The following AKAP13 variants were observed in gnomAD, a reference collection of about 807,000 sequenced individuals.
AKAP13 encodes the protein A-kinase anchor protein 13.
AKAP13 carries 80 observed loss-of-function variants against 264.5 expected under a neutral mutation model. That is an observed-to-expected ratio of 0.30 (90% CI 0.25 to 0.36). The LOEUF is 0.36. AKAP13 is among the 10% of genes least tolerant of loss of function. The probability of loss-of-function intolerance (pLI) is 1.00; values close to 1 mark genes in which losing one functional copy is unlikely to be tolerated. For synonymous variants in AKAP13, 1,380 were observed against 1,250.2 expected, an observed-to-expected ratio of 1.10 and a Z score of -2.19; for missense variants, 3,712 against 3,435.2, an observed-to-expected ratio of 1.08 and a Z score of -2.01.
rs2088410882 is a variant in AKAP13 at position 85,735,642 on chromosome 15, T to C, written c.7512+12T>C. 6.2e-7 allele frequency: 1 copy of C among 1,607,870 alleles called. No individual in the cohort carries two copies. Among genetic ancestry groups the C allele is most frequent in the African/African-American group, 1.3e-5 (1 of 74,680 alleles). ...GTGGCCTAAAAAAGGTATTTCTCTTTAAAATACACCATGAACCTCCTTGGC... is the reference window on the plus strand; with the variant it reads ...GTGGCCTAAAAAAGGTATTTCTCTTCAAAATACACCATGAACCTCCTTGGC... On this transcript the variant is annotated intron_variant, in intron 32 of 36. Transcript: ENST00000394518.
Position 85,401,603 on chromosome 15 carries a change from C to G in AKAP13, c.-12+20805C>G, listed in dbSNP as rs138653014. 1.2e-3 allele frequency among the ~76,000 whole-genome samples: 183 copies of G among 152,268 alleles called. 1 individual carries two copies. The highest frequency in any genetic ancestry group is 4.3e-3 in the African/African-American group (177 of 41,550). ...TACCAAAGAAGCTAGTCATTTTTGT[C>G]TCAGTATTCTCTTAAACTGTCCCTT... On this transcript the variant is annotated intron_variant, in intron 1 of 36. Transcript: ENST00000394518.
chr15:85,742,998 C>T (rs2089158958), intron 35 of AKAP13, among the ~76,000 whole-genome samples: 1 of 152,122 alleles, frequency 6.6e-6, no homozygotes, highest in African/African-American at 2.4e-5. Flanking sequence ...GCTAAGAGAA[C>T]CCAGAGTAGA....
At chr15:85,639,920 G>A (rs1334790992) in intron 9 of AKAP13, among the ~76,000 whole-genome samples, 1 of 152,178 alleles carries the variant, frequency 6.6e-6, no homozygotes, top group Non-Finnish European at 1.5e-5. Flanking sequence ...TTACCCTGCT[G>A]TGTACCCAAG....
chr15:85,580,533 C>G lies in AKAP13; in HGVS notation c.2465C>G (p.Thr822Arg). 1 of 1,614,194 alleles carries G rather than the reference C, an allele frequency of 6.2e-7. No homozygotes were observed. Among genetic ancestry groups the G allele is most frequent in the Non-Finnish European group, 8.5e-7 (1 of 1,180,036 alleles). ...GTATPELHTATDYRDGPDGNS... is the reference protein window; with the variant it reads ...GTATPELHTARDYRDGPDGNS... Reference sequence around the variant, plus strand: ...GCAACTCCTGAACTACATACAGCTACAGATTATAGAGATGGCCCAGATGGA... The same window carrying G: ...GCAACTCCTGAACTACATACAGCTAGAGATTATAGAGATGGCCCAGATGGA... Residue 822 changes from threonine (T) to arginine (R), a missense_variant, in exon 7 of 37, where the codon ACA (threonine) becomes AGA (arginine). By Grantham distance (71) the Thr-to-Arg change is moderately conservative. Transcript: ENST00000394518.
At chr15:85,586,510 C>T (rs887726498) in intron 8 of AKAP13, among the ~76,000 whole-genome samples, 1 of 152,040 alleles carries the variant, frequency 6.6e-6, no homozygotes, top group Non-Finnish European at 1.5e-5. Flanking sequence ...GGCCTATAAA[C>T]CCTTCTTAAA....
At chr15:85,607,733 A>G (rs1437580651) in intron 8 of AKAP13, among the ~76,000 whole-genome samples, 1 of 152,242 alleles carries the variant, frequency 6.6e-6, no homozygotes, top group Non-Finnish European at 1.5e-5. Context: ...TTCCAAAGCA[A>G]ATGTTCACAG....
Position 85,585,747 on chromosome 15 carries a change from G to A in AKAP13, c.4085G>A (p.Ser1362Asn). 6.2e-7 allele frequency: 1 copy of A among 1,614,182 alleles called. No homozygotes were observed. ...KAEDEVDFRA[S>N]SISEEVAVGS... ...GAAGATGAAGTGGATTTTAGAGCAA[G>A]TTCAATTTCTGAAGAAGTGGCTGTA... Residue 1362 changes from serine (S) to asparagine (N), a missense_variant, in exon 8 of 37, where the codon AGT becomes AAT. Physicochemically the swap from Ser to Asn is conservative, Grantham distance 46. This residue lies in a region of AKAP13 where 2,759 missense variants were observed against 2,411.7 expected (regional missense o/e 1.14). Coordinates refer to ENST00000394518, the MANE Select transcript of AKAP13 (RefSeq NM_007200.5).
Position 85,530,193 on chromosome 15 carries a change from G to A in AKAP13, c.182-3391G>A, listed in dbSNP as rs10468112. Among the ~76,000 whole-genome samples the A allele has an allele frequency of 3.3e-5, 5 of 152,024 alleles. No individual in the cohort carries two copies. The East Asian group carries it at 7.8e-4, about 24-fold the overall frequency. ...GCGCCCCAACACACACCCATCCCGC[G>A]TTGTTCTGTTTCTCTCCCTGTCGTT... is the stretch of plus-strand genomic sequence containing the variant. On this transcript the variant is annotated intron_variant, in intron 3 of 36. Transcript: ENST00000394518.
intron 12 of AKAP13, among the ~76,000 whole-genome samples, chr15:85,661,215 A>G (rs193292887): frequency 6.6e-6 from 1 of 152,280 alleles, no homozygotes; most frequent in African/African-American, 2.4e-5. Flanking sequence ...AATATTTTGA[A>G]TTGATTATTG....
intron 14 of AKAP13, among the ~76,000 whole-genome samples, chr15:85,673,666 C>CTTTTTTTTTTTTTTTTTTTT (rs386383664): frequency 5.2e-5 from 4 of 77,540 alleles, no homozygotes; most frequent in African/African-American, 1.7e-4. Flanking sequence ...TTCTTTCTTT[C>CTTTTTTTTTTTTTTTTTTTT]TTTTTTTTTT....
At chr15:85,713,493 T>C (rs1227950306) in intron 19 of AKAP13, among the ~76,000 whole-genome samples, 1 of 151,142 alleles carries the variant, frequency 6.6e-6, no homozygotes, top group East Asian at 1.9e-4. Flanking sequence ...TTCAGAAACA[T>C]TCAGGTTATG....
intron 8 of AKAP13, among the ~76,000 whole-genome samples, chr15:85,594,378 G>C (rs899169923): frequency 2.6e-5 from 4 of 152,184 alleles, no homozygotes; most frequent in African/African-American, 9.7e-5. Flanking sequence ...ATATTCTCAA[G>C]TGTTAAAATA....
intron 10 of AKAP13, among the ~76,000 whole-genome samples, chr15:85,652,847 T>C (rs1344798190): frequency 1.3e-5 from 2 of 152,208 alleles, no homozygotes; most frequent in Non-Finnish European, 1.5e-5. Flanking sequence ...GTGTGTCTTT[T>C]TGTGTCTCTT....
chr15:85,530,659 A>C (rs1388469338), intron 3 of AKAP13, among the ~76,000 whole-genome samples: 7 of 152,222 alleles, frequency 4.6e-5, no homozygotes, highest in Non-Finnish European at 1.0e-4. Context: ...AGAAGTTTAC[A>C]GATTAGCTTA....
At chr15:85,450,131 T>G (rs1485245009) in intron 1 of AKAP13, among the ~76,000 whole-genome samples, 1 of 152,136 alleles carries the variant, frequency 6.6e-6, no homozygotes, top group Non-Finnish European at 1.5e-5. Context: ...AATTTATTCC[T>G]TGCTCAGTCT....
intron 8 of AKAP13, among the ~76,000 whole-genome samples, chr15:85,596,467 A>G (rs1179517079): frequency 6.6e-6 from 1 of 152,012 alleles, no homozygotes; most frequent in African/African-American, 2.4e-5. Context: ...GCGTGGTGGC[A>G]TGCTCCTTGG....
intron 1 of AKAP13, among the ~76,000 whole-genome samples, chr15:85,478,847 A>ATTG (rs57053702): frequency 0.68 from 103,044 of 151,696 alleles, 35,557 homozygotes; most frequent in African/African-American, 0.8. Flanking sequence ...TCTTAACATC[A>ATTG]TTTCCCGAAG....
intron 5 of AKAP13, among the ~76,000 whole-genome samples, chr15:85,567,566 G>A (rs2078649189): frequency 6.6e-6 from 1 of 152,070 alleles, no homozygotes; most frequent in African/African-American, 2.4e-5. Flanking sequence ...TGGGGAAGAG[G>A]GGCAGACACT....
At chr15:85,583,753 C>T (rs747343199) in intron 7 of AKAP13, among the ~76,000 whole-genome samples, 1 of 152,070 alleles carries the variant, frequency 6.6e-6, no homozygotes, top group African/African-American at 2.4e-5. Flanking sequence ...AAGTAAAAAC[C>T]AGGGAGAATT....
Sources: gnomAD v4.1 joint callset for allele counts (sites outside exome capture counted in the v4.1 genomes callset) on GRCh38, gnomAD v4.1.1 for gene constraint, gnomAD v4.1.1 regional missense constraint, MANE v1.5 for transcripts, NCBI Gene and HGNC (gene_info 2026-07-23, HGNC 2026-07-21) for gene names.